Variants in ZCCHC4 observed in about 807,000 individuals in gnomAD.
ZCCHC4 encodes rRNA N(6)-adenosine-methyltransferase ZCCHC4.
ZCCHC4 carries 54 observed loss-of-function variants against 67.7 expected under a neutral mutation model. The observed-to-expected ratio is 0.80, with a 90% CI of 0.64 to 1.00. ZCCHC4 has a LOEUF of 1.00. Ranked by LOEUF, ZCCHC4 falls within the 50% of genes least tolerant of loss-of-function variation. ZCCHC4 has a pLI of 0.00. For synonymous variants in ZCCHC4, 198 were observed against 213.5 expected, an observed-to-expected ratio of 0.93 and a Z score of 0.63; for missense variants, 609 against 617.0, an observed-to-expected ratio of 0.99 and a Z score of 0.14.
intron 8 of ZCCHC4, among the ~76,000 whole-genome samples, chr4:25,354,146 A>G (rs1265404177): frequency 1.2e-4 from 18 of 148,694 alleles, no homozygotes; most frequent in Non-Finnish European, 9.2e-5. Context: ...AGAGTTTGAA[A>G]TGGTGAGAGG....
rs779156991 is a variant in ZCCHC4 at position 25,333,457 on chromosome 4, A to G, written c.604A>G (p.Arg202Gly). The G allele has an allele frequency of 6.2e-7, 1 of 1,613,476 alleles. No individual in the cohort carries two copies. Among genetic ancestry groups the G allele is most frequent in the Non-Finnish European group, 8.5e-7 (1 of 1,179,652 alleles). ...FRRVLCVGTP[R>G]LHELIKLTAS... ...AAGAGTACTGTGTGTTGGAACACCA[A>G]GGTATGTCATGTGATTTTTTAAAGA... The change falls in exon 4 of 13, where the codon AGG becomes GGG. Residue 202 changes from arginine (R) to glycine (G), a missense_variant and splice_region_variant. Arg to Gly is a moderately radical substitution (Grantham distance 125, BLOSUM62 -2). Transcript: ENST00000302874.
At position 25,369,751 on chromosome 4, in the gene ZCCHC4, GC is replaced by G. The variant is rs1721075865; in HGVS notation, c.*589del. ...ACCCAGCTCCGGTCACATTATTCTA[GC>G]CTTTTTATCCAAAAAATGGGCAGAC... On this transcript the variant is annotated 3_prime_UTR_variant, in exon 13 of 13. Transcript: ENST00000302874. 6.6e-6 allele frequency: 1 copy of G among 152,176 alleles called. No homozygotes were observed. The highest frequency in any genetic ancestry group is 1.5e-5 in the Non-Finnish European group (1 of 68,052). 9.4% of individuals were successfully genotyped at this position (152,176 alleles called of 1,614,324 possible).
At chr4:25,343,776 G>A (rs1176716868) in intron 5 of ZCCHC4, among the ~76,000 whole-genome samples, 1 of 152,144 alleles carries the variant, frequency 6.6e-6, no homozygotes, top group Non-Finnish European at 1.5e-5. Context: ...TATTCACCAT[G>A]GATGCTCAAT....
chr4:25,345,498 G>C, intron 5 of ZCCHC4, 50 bp from the exon 6 acceptor site: 1 of 984,876 alleles, frequency 1.0e-6, no homozygotes, highest in African/African-American at 1.6e-5. Flanking sequence ...GTTTATATTT[G>C]TCTACTCTAT....
intron 8 of ZCCHC4, among the ~76,000 whole-genome samples, chr4:25,356,595 T>G (rs1470030258): frequency 4.0e-5 from 6 of 151,846 alleles, no homozygotes; most frequent in Non-Finnish European, 8.8e-5. Flanking sequence ...TCTAGTATAT[T>G]GCATAGAATA....
intron 11 of ZCCHC4, among the ~76,000 whole-genome samples, 156 bp from the exon 12 acceptor site, chr4:25,364,866 T>G (rs1720881618): frequency 6.6e-6 from 1 of 152,242 alleles, no homozygotes; most frequent in Admixed American, 6.5e-5. Flanking sequence ...AATTCCAACC[T>G]CTTCTCCCTG....
At chr4:25,334,786 G>A (rs1719367924) in intron 5 of ZCCHC4, among the ~76,000 whole-genome samples, 1 of 152,058 alleles carries the variant, frequency 6.6e-6, no homozygotes, top group African/African-American at 2.4e-5. Context: ...GAAGGAATCA[G>A]GCTTTGTGTT....
At chr4:25,313,536 A>G (rs1472453398) in intron 1 of ZCCHC4, among the ~76,000 whole-genome samples, 1 of 152,230 alleles carries the variant, frequency 6.6e-6, no homozygotes, top group East Asian at 1.9e-4. Context: ...ATTATTTATA[A>G]GTAGTCACTG....
intron 8 of ZCCHC4, among the ~76,000 whole-genome samples, chr4:25,360,818 A>T (rs1430240380): frequency 6.6e-6 from 1 of 152,206 alleles, no homozygotes; most frequent in African/African-American, 2.4e-5. Context: ...TGATACACAG[A>T]TGGGTCTAGC....
chr4:25,360,192 A>G (rs1171642938), intron 8 of ZCCHC4, among the ~76,000 whole-genome samples: 2 of 152,226 alleles, frequency 1.3e-5, no homozygotes, highest in Non-Finnish European at 2.9e-5. Flanking sequence ...TGTTAATGAT[A>G]TTATGCTAAC....
rs1450494659 is a variant in ZCCHC4 at position 25,349,488 on chromosome 4, C to T, written c.760-4C>T. ...ATTTAGAAATGAATTTTTATTTGTT[C>T]CAGACTGCCCTTGAAGTATGCAGAG... On this transcript the variant is annotated splice_region_variant and splice_polypyrimidine_tract_variant and intron_variant, in intron 6 of 12. Transcript: ENST00000302874. The T allele has an allele frequency of 2.5e-6, 4 of 1,612,912 alleles. No individual in the cohort carries two copies. In the South Asian group the frequency reaches 3.3e-5, roughly 13 times the overall value.
chr4:25,335,875 C>T (rs1431784752), intron 5 of ZCCHC4, among the ~76,000 whole-genome samples: 1 of 152,222 alleles, frequency 6.6e-6, no homozygotes, highest in African/African-American at 2.4e-5. Context: ...TATACTGTCT[C>T]ATTCCTTATG....
intron 8 of ZCCHC4, among the ~76,000 whole-genome samples, chr4:25,354,386 G>A (rs1474373702): frequency 6.6e-6 from 1 of 152,128 alleles, no homozygotes; most frequent in East Asian, 1.9e-4. Context: ...CTAAAAAGCA[G>A]TCTTCTCAAT....
chr4:25,314,218 T>C, intron 2 of ZCCHC4, 54 bp downstream of exon 2: 1 of 1,212,940 alleles, frequency 8.2e-7, no homozygotes, highest in Admixed American at 2.0e-5. Context: ...GTGACAATTT[T>C]GTTGAGAACG....
At chr4:25,323,789 C>T (rs946422776) in intron 3 of ZCCHC4, among the ~76,000 whole-genome samples, 3 of 151,762 alleles carry the variant, frequency 2.0e-5, no homozygotes, top group Non-Finnish European at 2.9e-5. Flanking sequence ...TAAAATGTAC[C>T]ATTTGATGAA....
Position 25,369,323 on chromosome 4 carries a change from T to C in ZCCHC4, c.*159T>C, listed in dbSNP as rs1480517555. ...GCATTTGCTGGTTTACAGTCCCTTATCTGCCTCTCTGGAGACATGGGGAGT... is the reference window on the plus strand; with the variant it reads ...GCATTTGCTGGTTTACAGTCCCTTACCTGCCTCTCTGGAGACATGGGGAGT... On this transcript the variant is annotated 3_prime_UTR_variant, in exon 13 of 13. Transcript: ENST00000302874. 4 of 889,582 alleles carry C rather than the reference T, an allele frequency of 4.5e-6. No homozygotes were observed. The highest frequency in any genetic ancestry group is 1.7e-5 in the African/African-American group (1 of 57,910). 55.1% of individuals were successfully genotyped at this position (889,582 alleles called of 1,614,324 possible). A position where few individuals can be genotyped will look rare whatever the true frequency, so the allele number is the denominator to read the frequency against.
intron 3 of ZCCHC4, among the ~76,000 whole-genome samples, chr4:25,324,092 A>G (rs1440682943): frequency 1.5e-5 from 2 of 136,324 alleles, no homozygotes; most frequent in Non-Finnish European, 3.0e-5. Flanking sequence ...GTTCACTGCA[A>G]TCTCCACCTC....
At chr4:25,360,588 C>T (rs547367138) in intron 8 of ZCCHC4, among the ~76,000 whole-genome samples, 1 of 152,304 alleles carries the variant, frequency 6.6e-6, no homozygotes, top group East Asian at 1.9e-4. Flanking sequence ...GGATAACAAT[C>T]CCCCAAACTG....
At chr4:25,353,098 T>C (rs1359751222) in intron 8 of ZCCHC4, among the ~76,000 whole-genome samples, 1 of 152,250 alleles carries the variant, frequency 6.6e-6, no homozygotes, top group Non-Finnish European at 1.5e-5. Flanking sequence ...ACACAATCTT[T>C]ATGCTTTAAT....
Sources: gnomAD v4.1 joint callset for allele counts (sites outside exome capture counted in the v4.1 genomes callset) on GRCh38, gnomAD v4.1.1 for gene constraint, MANE v1.5 for transcripts, NCBI Gene and HGNC (gene_info 2026-07-23, HGNC 2026-07-21) for gene names.